The following PDZD2 variants were observed in gnomAD, a reference collection of about 807,000 sequenced individuals.
PDZD2 encodes PDZ domain containing 2.
Under a neutral mutation model 220.7 loss-of-function variants are expected in PDZD2, and 90 were observed. That is an observed-to-expected ratio of 0.41 (90% confidence interval 0.34 to 0.49). PDZD2 has a LOEUF of 0.49. Ranked by LOEUF, PDZD2 falls within the 20% of genes least tolerant of loss-of-function variation. PDZD2 has a pLI of 0.28. For missense variants in PDZD2, 3,174 were observed against 3,608.5 expected (o/e 0.88, Z 3.08); for synonymous variants, 1,375 against 1,450.5 (o/e 0.95, Z 1.18).
At chr5:31,811,270 C>A (rs1755094313) in intron 2 of PDZD2, among the ~76,000 whole-genome samples, 1 of 152,082 alleles carries the variant, frequency 6.6e-6, no homozygotes, top group Admixed American at 6.5e-5. Flanking sequence ...ACAGACCTGG[C>A]CTTACTAGTG....
At chr5:31,912,149 AGT>A (rs1450604164) in intron 2 of PDZD2, among the ~76,000 whole-genome samples, 19 of 152,298 alleles carry the variant, frequency 1.2e-4, no homozygotes, top group Non-Finnish European at 1.9e-4. Flanking sequence ...ACGGCTTATA[AGT>A]AACAAACTTA....
rs572023847 is a variant in PDZD2, at chr5:32,065,616, G to A, written c.2452-3953G>A. On this transcript the variant is annotated intron_variant, in intron 14 of 24. Transcript: ENST00000438447. ...ATCTGGGGATGTGATGTCAACAACAGTGCTGGGACAAAATTGCCGTTAGAC... is the reference window on the plus strand; with the variant it reads ...ATCTGGGGATGTGATGTCAACAACAATGCTGGGACAAAATTGCCGTTAGAC... Among the ~76,000 whole-genome samples the A allele has an allele frequency of 2.0e-5, 3 of 152,388 alleles. No individual in the cohort carries two copies. In the East Asian group the frequency reaches 5.8e-4, roughly 29 times the overall value.
At chr5:31,992,574 A>T (rs1751304771) in intron 3 of PDZD2, among the ~76,000 whole-genome samples, 1 of 152,200 alleles carries the variant, frequency 6.6e-6, no homozygotes, top group Non-Finnish European at 1.5e-5. Flanking sequence ...TCCTTTGTTA[A>T]CCATACTTAC....
intron 1 of PDZD2, among the ~76,000 whole-genome samples, chr5:31,783,675 G>A (rs1401854397): frequency 3.9e-5 from 6 of 152,058 alleles, no homozygotes; most frequent in African/African-American, 9.7e-5. Flanking sequence ...TCCCCAGATC[G>A]GCAGCGTGCC....
intron 2 of PDZD2, among the ~76,000 whole-genome samples, chr5:31,800,940 A>G (rs1033771022): frequency 2.6e-4 from 40 of 152,306 alleles, no homozygotes; most frequent in African/African-American, 8.9e-4. Flanking sequence ...CAGAGCAGAA[A>G]TACCTTGACC....
chr5:31,734,273 T>C (rs1467030524), intron 1 of PDZD2, among the ~76,000 whole-genome samples: 1 of 152,174 alleles, frequency 6.6e-6, no homozygotes, highest in Non-Finnish European at 1.5e-5. Context: ...CTCTGAATGT[T>C]CAGCAATCTG....
intron 2 of PDZD2, among the ~76,000 whole-genome samples, chr5:31,942,199 T>C (rs142884618): frequency 6.6e-6 from 1 of 152,366 alleles, no homozygotes; most frequent in East Asian, 1.9e-4. Flanking sequence ...TTTTCTTTTT[T>C]ATGGCCGTAT....
In PDZD2 at chr5:31,956,785, A is replaced by AAAG. The variant is rs1312632845; in HGVS notation, c.477-26370_477-26369insAAG. Among the ~76,000 whole-genome samples, 11 of 140,372 alleles carry AAAG rather than the reference A, an allele frequency of 7.8e-5. 1 individual carries two copies. Among genetic ancestry groups the AAAG allele is most frequent in the African/African-American group, 3.0e-4 (11 of 37,278 alleles). The allele number at this position is 140,372 out of a possible 152,430, so 92.1% of individuals were successfully genotyped here. ...AAAAAAAAAAAAAAAAAAAAAAAAA[A>AAAG]GGGACAAAGAGGAAACTGATTTCCT... On this transcript the variant is annotated intron_variant, in intron 2 of 24. Transcript: ENST00000438447.
chr5:31,797,094 ATTTTTTTTTTTTTTTTTT>A (rs756548601), intron 1 of PDZD2, among the ~76,000 whole-genome samples: 1 of 66,534 alleles, frequency 1.5e-5, no homozygotes, highest in Non-Finnish European at 2.5e-5. Context: ...CACCCAGCTA[ATTTTTTTTTTTTTTTTTT>A]TTTTTTTTTT....
At chr5:32,003,170 CACACCAT>C (rs879359531) in intron 5 of PDZD2, among the ~76,000 whole-genome samples, 25,919 of 112,110 alleles carry the variant, frequency 0.23, 3,480 homozygotes, top group East Asian at 0.38. Flanking sequence ...ACACACACCA[CACACCAT>C]ACACCACACA....
intron 1 of PDZD2, among the ~76,000 whole-genome samples, chr5:31,698,615 A>G (rs985357056): frequency 1.3e-5 from 2 of 151,230 alleles, no homozygotes; most frequent in African/African-American, 4.9e-5. Flanking sequence ...AAAAAAAAAG[A>G]AAAAGAGAAG....
chr5:32,048,672 C>T lies in PDZD2; in HGVS notation c.1653C>T (p.Ser551=). 1 of 1,614,054 alleles carries T rather than the reference C, an allele frequency of 6.2e-7. No individual in the cohort carries two copies. The highest frequency in any genetic ancestry group is 8.5e-7 in the Non-Finnish European group (1 of 1,179,956). The stretch of plus-strand genomic sequence containing the variant: ...CCCTCCCGCAGCTGCTGGACTCTTC[C>T]AGTGCCTCACAGGTCCGACCAGGGC... ...KHSLPQLLDS[S]SASQEYHIVK... is the part of the protein sequence containing the mutation. The change falls in exon 8 of 25, where the codon TCC becomes TCT. Residue 551 remains serine (S), a synonymous_variant. Coordinates refer to ENST00000438447, the MANE Select transcript of PDZD2 (RefSeq NM_178140.4).
At chr5:32,101,905 G>A (rs1455226815) in intron 24 of PDZD2, among the ~76,000 whole-genome samples, 3 of 152,156 alleles carry the variant, frequency 2.0e-5, no homozygotes, top group African/African-American at 7.2e-5. Flanking sequence ...ATATTGATAT[G>A]TAATTATACT....
intron 2 of PDZD2, among the ~76,000 whole-genome samples, chr5:31,889,911 A>G (rs542947876): frequency 2.6e-5 from 4 of 151,990 alleles, no homozygotes; most frequent in Admixed American, 2.6e-4. Context: ...AATCTCAGCT[A>G]CTCGGGAGAT....
intron 5 of PDZD2, among the ~76,000 whole-genome samples, chr5:32,004,141 G>T (rs1050389443): frequency 6.6e-6 from 1 of 151,838 alleles, no homozygotes; most frequent in Non-Finnish European, 1.5e-5. Flanking sequence ...AAATAATGAA[G>T]GGGCTTTGAA....
At chr5:31,960,384 G>A (rs926530578) in intron 2 of PDZD2, among the ~76,000 whole-genome samples, 3 of 151,890 alleles carry the variant, frequency 2.0e-5, no homozygotes, top group Non-Finnish European at 4.4e-5. Context: ...CACCACGCCC[G>A]GCTAATTTTG....
At position 31,983,671 on chromosome 5, in the gene PDZD2, G is replaced by C. The variant is rs775972083; in HGVS notation, c.978+15G>C. ...GCCTGGCACGGGTAAGGTTTGGTTT[G>C]ATTATGGAACCAGAATTTTATTTAT... On this transcript the variant is annotated intron_variant, in intron 3 of 24. Transcript: ENST00000438447. 42 of 1,598,712 alleles carry C rather than the reference G, an allele frequency of 2.6e-5. No individual in the cohort carries two copies. The Admixed American group carries it at 4.3e-4, about 16-fold the overall frequency.
intron 2 of PDZD2, among the ~76,000 whole-genome samples, chr5:31,869,909 G>A (rs926240751): frequency 1.6e-4 from 25 of 152,150 alleles, no homozygotes; most frequent in Admixed American, 2.6e-4. Flanking sequence ...GGGAGGATTC[G>A]TGCCCTCACA....
chr5:31,754,250 G>A (rs1751179403), intron 1 of PDZD2: 3 of 152,236 alleles, frequency 2.0e-5, no homozygotes, highest in Admixed American at 2.0e-4. Flanking sequence ...GACAGCTGAG[G>A]GACCTGTGCA....
Sources: allele counts gnomAD v4.1 joint callset (sites outside exome capture counted in the v4.1 genomes callset), GRCh38; gene constraint gnomAD v4.1.1; transcripts MANE v1.5; gene names NCBI Gene and HGNC (gene_info 2026-07-23, HGNC 2026-07-21).